NDUFAF6: variants seen among roughly 807,000 people sequenced by gnomAD.
The protein encoded by NDUFAF6 is NADH:ubiquinone oxidoreductase complex assembly factor 6.
NDUFAF6 carries 45 observed loss-of-function variants against 40.8 expected under a neutral mutation model. The observed-to-expected ratio is 1.10, with a 90% confidence interval of 0.87 to 1.42. The LOEUF is 1.42. NDUFAF6 is among the 40% of genes most tolerant of loss of function. NDUFAF6 has a pLI of 0.00. For missense variants in NDUFAF6, 435 were observed against 418.5 expected (o/e 1.04, Z -0.34); for synonymous variants, 185 against 155.9 (o/e 1.19, Z -1.39).
At chr8:95,036,567 A>G in intron 3 of NDUFAF6, 1 of 1,184,158 alleles carries the variant, frequency 8.4e-7, no homozygotes, top group Non-Finnish European at 1.1e-6. Context: ...CTCACTAAAA[A>G]GTTTTCCTAA....
chr8:95,032,150 A>C, intron 2 of NDUFAF6, 56 bp downstream of exon 2: 2 of 1,355,686 alleles, frequency 1.5e-6, no homozygotes, highest in Non-Finnish European at 1.1e-6. Context: ...TAAGGTGTTT[A>C]ATGCTGAACA....
intron 1 of NDUFAF6, among the ~76,000 whole-genome samples, chr8:94,933,323 CAA>C (rs1188928965): frequency 6.6e-6 from 1 of 151,950 alleles, no homozygotes; most frequent in Non-Finnish European, 1.5e-5. Context: ...CAAAAACAAA[CAA>C]GATATAAAAA....
At chr8:95,006,778 G>A (rs1458558896) in intron 2 of NDUFAF6, among the ~76,000 whole-genome samples, 1 of 152,024 alleles carries the variant, frequency 6.6e-6, no homozygotes, top group Non-Finnish European at 1.5e-5. Context: ...TACTCAGGAG[G>A]CTGAGGTGGG....
chr8:94,946,696 CAAAAAAAAAA>C (rs71273438), intron 2 of NDUFAF6, among the ~76,000 whole-genome samples: 1 of 34,688 alleles, frequency 2.9e-5, no homozygotes. Context: ...GACCCTGTCT[CAAAAAAAAAA>C]AAAAAAAAAA....
intron 1 of NDUFAF6, among the ~76,000 whole-genome samples, chr8:94,916,611 C>A (rs1000833392): frequency 6.7e-6 from 1 of 149,856 alleles, no homozygotes; most frequent in Non-Finnish European, 1.5e-5. Flanking sequence ...GTCAGGAGTT[C>A]GAGACCAGCC....
chr8:94,934,389 ATTT>A (rs757874716), intron 1 of NDUFAF6, among the ~76,000 whole-genome samples: 2 of 143,352 alleles, frequency 1.4e-5, no homozygotes, highest in Non-Finnish European at 3.1e-5. Flanking sequence ...TATAAATTCT[ATTT>A]TTTTTTTTTT....
At chr8:94,930,484 A>T (rs1245316801) in intron 1 of NDUFAF6, 1 of 1,614,192 alleles carries the variant, frequency 6.2e-7, no homozygotes, top group Admixed American at 1.7e-5. Context: ...AACTATTAGT[A>T]ATTGTACTGA....
downstream of NDUFAF6, among the ~76,000 whole-genome samples, chr8:95,108,174 A>G (rs575593484): frequency 6.6e-6 from 1 of 152,320 alleles, no homozygotes; most frequent in Admixed American, 6.5e-5. Context: ...CAAAAAATTA[A>G]ATATAGAATT....
chr8:94,932,013 G>A, intron 1 of NDUFAF6: 2 of 1,525,810 alleles, frequency 1.3e-6, no homozygotes, highest in Admixed American at 2.0e-5. Flanking sequence ...CAGCATTTGG[G>A]TCCTTTGCCT....
In NDUFAF6 at chr8:95,035,878, A is replaced by G. The variant is rs969222954; in HGVS notation, c.420+302A>G. Among the ~76,000 whole-genome samples the G allele has an allele frequency of 8.5e-5, 13 of 152,362 alleles. No homozygotes were observed. In the South Asian group the frequency reaches 2.1e-3, roughly 24 times the overall value. On this transcript the variant is annotated intron_variant, in intron 3 of 8. Coordinates refer to ENST00000396124, the MANE Select transcript of NDUFAF6 (RefSeq NM_152416.4). Reference sequence around the variant, plus strand: ...GAATTTAAATCCTACACATTTTGATATAATAGCAAGTAAAATGTTCTGTTC... The same window carrying G: ...GAATTTAAATCCTACACATTTTGATGTAATAGCAAGTAAAATGTTCTGTTC...
At chr8:95,015,979 T>C (rs924835754) in intron 2 of NDUFAF6, among the ~76,000 whole-genome samples, 2 of 152,210 alleles carry the variant, frequency 1.3e-5, no homozygotes, top group African/African-American at 4.8e-5. Flanking sequence ...GCTTAAGATA[T>C]CACCAGACAT....
rs144499549 is a variant in NDUFAF6, at chr8:95,000,894, A to G, written c.-84+19921A>G. On this transcript the variant is annotated intron_variant, in intron 2 of 9. Coordinates refer to the NDUFAF6 transcript ENST00000396111. ...AGAGGTTGCAATAAGCCAAGATTGC[A>G]CCATTGCACTCCAGCTTGGGCAACA... is the stretch of plus-strand genomic sequence containing the variant. 1.0e-2 allele frequency among the ~76,000 whole-genome samples: 1,514 copies of G among 151,558 alleles called. 24 individuals are homozygous for G. Among genetic ancestry groups the G allele is most frequent in the African/African-American group, 0.035 (1,444 of 41,250 alleles).
intron 1 of NDUFAF6, among the ~76,000 whole-genome samples, chr8:94,921,429 C>T (rs1025455037): frequency 1.3e-5 from 2 of 152,180 alleles, no homozygotes; most frequent in African/African-American, 4.8e-5. Flanking sequence ...AGGCCTGATT[C>T]ATATGCTTAC....
chr8:94,939,147 A>T (rs1821277494), intron 1 of NDUFAF6, among the ~76,000 whole-genome samples: 1 of 152,220 alleles, frequency 6.6e-6, no homozygotes, highest in Admixed American at 6.5e-5. Flanking sequence ...TTCTCAGACA[A>T]GGTTTTCAAG....
At chr8:94,912,687 C>T (rs1399994961) in intron 1 of NDUFAF6, among the ~76,000 whole-genome samples, 1 of 151,842 alleles carries the variant, frequency 6.6e-6, no homozygotes, top group Non-Finnish European at 1.5e-5. Context: ...GTGGCGGGCA[C>T]CTGTAGTCCC....
chr8:94,967,940 CA>C (rs56332377), intron 1 of NDUFAF6, among the ~76,000 whole-genome samples: 70,503 of 134,622 alleles, frequency 0.52, 17,430 homozygotes, highest in East Asian at 0.73. Flanking sequence ...GACTCTGTCT[CA>C]AAAAAAAAAA....
chr8:95,116,847 G>T (rs1447870378), downstream of NDUFAF6, among the ~76,000 whole-genome samples: 1 of 152,224 alleles, frequency 6.6e-6, no homozygotes, highest in East Asian at 1.9e-4. Context: ...TAAAAAGTCA[G>T]GAGGCAGTTC....
chr8:94,928,399 G>T (rs1820081741), intron 1 of NDUFAF6: 1 of 152,276 alleles, frequency 6.6e-6, no homozygotes, highest in African/African-American at 2.4e-5. Flanking sequence ...AAGACATTAA[G>T]CTGGTCTATT....
At chr8:95,082,647 G>GT (rs755933613) in intron 2 of NDUFAF6, among the ~76,000 whole-genome samples, 36 of 151,682 alleles carry the variant, frequency 2.4e-4, no homozygotes, top group African/African-American at 7.3e-4. Flanking sequence ...TTGTTTGTTT[G>GT]TTTGTTTTGT....
Sources: allele counts gnomAD v4.1 joint callset (sites outside exome capture counted in the v4.1 genomes callset), GRCh38; gene constraint gnomAD v4.1.1; transcripts MANE v1.5; gene names NCBI Gene and HGNC (gene_info 2026-07-23, HGNC 2026-07-21).